ERC2: variants seen among roughly 807,000 people sequenced by gnomAD.
The protein encoded by ERC2 is ERC protein 2.
A neutral mutation model predicts 114.8 loss-of-function variants in ERC2; 42 were observed. The ratio of observed to expected loss-of-function variants is 0.37; its 90% CI spans 0.29 to 0.47. The LOEUF (loss-of-function observed/expected upper bound fraction) is 0.47. Ranked by LOEUF, ERC2 falls within the 20% of genes least tolerant of loss-of-function variation. ERC2 has a pLI of 0.99. For missense variants in ERC2, 939 were observed against 1,150.7 expected, an observed-to-expected ratio of 0.82 and a Z score of 2.66; for synonymous variants, 454 against 425.5, an observed-to-expected ratio of 1.07 and a Z score of -0.82.
intron 6 of ERC2, among the ~76,000 whole-genome samples, chr3:56,088,341 A>G (rs543390759): frequency 5.3e-5 from 8 of 152,270 alleles, no homozygotes; most frequent in African/African-American, 1.9e-4. Context: ...CCTTAAAACT[A>G]AAACTGTTTT....
chr3:55,674,641 C>G (rs993334833), intron 17 of ERC2, among the ~76,000 whole-genome samples: 3 of 152,190 alleles, frequency 2.0e-5, no homozygotes, highest in Non-Finnish European at 4.4e-5. Context: ...AGCGAGGGGT[C>G]TTTCGCCACA....
At chr3:55,692,125 C>A (rs1460120719) in intron 16 of ERC2, among the ~76,000 whole-genome samples, 4 of 152,170 alleles carry the variant, frequency 2.6e-5, no homozygotes, top group African/African-American at 9.7e-5. Context: ...GACCCCTTGC[C>A]TGTCTGTCAG....
intron 14 of ERC2, among the ~76,000 whole-genome samples, chr3:55,754,389 G>A (rs1037136411): frequency 6.6e-6 from 1 of 151,482 alleles, no homozygotes. Flanking sequence ...AAATGACAGT[G>A]TAACTAAGAC....
chr3:56,234,965 T>A (rs9867636), intron 3 of ERC2, among the ~76,000 whole-genome samples: 3,917 of 152,272 alleles, frequency 0.026, 56 homozygotes, highest in Middle Eastern at 0.051. Context: ...GGTATTAAGA[T>A]AGAGTGGTTT....
chr3:55,835,717 A>G (rs1241871368), intron 14 of ERC2, among the ~76,000 whole-genome samples: 2 of 151,964 alleles, frequency 1.3e-5, no homozygotes, highest in Admixed American at 6.6e-5. Flanking sequence ...CTCTCTCACC[A>G]CTCCTATTCA....
At chr3:56,288,843 A>G (rs1364480462) in intron 3 of ERC2, among the ~76,000 whole-genome samples, 2 of 152,236 alleles carry the variant, frequency 1.3e-5, no homozygotes, top group Admixed American at 1.3e-4. Flanking sequence ...AAGAGATACC[A>G]TATTCAAAAT....
chr3:55,828,990 G>C (rs748157070), intron 14 of ERC2, among the ~76,000 whole-genome samples: 17 of 152,100 alleles, frequency 1.1e-4, no homozygotes, highest in Non-Finnish European at 2.2e-4. Flanking sequence ...AATTAGCTGA[G>C]TGTGATGGGA....
chr3:56,235,686 A>G (rs551747813), intron 3 of ERC2, among the ~76,000 whole-genome samples: 2 of 152,338 alleles, frequency 1.3e-5, no homozygotes, highest in South Asian at 2.1e-4. Context: ...GCAAAGTCCA[A>G]TGCAGTAGCC....
chr3:55,570,311 G>A (rs1025975941), intron 17 of ERC2, among the ~76,000 whole-genome samples: 7 of 152,142 alleles, frequency 4.6e-5, no homozygotes, highest in Non-Finnish European at 8.8e-5. Context: ...AGGGCAGCAC[G>A]AGAGGCTGTG....
chr3:55,747,817 A>C (rs572278664), intron 14 of ERC2, among the ~76,000 whole-genome samples: 1 of 152,394 alleles, frequency 6.6e-6, no homozygotes, highest in East Asian at 1.9e-4. Flanking sequence ...GTCTACATAC[A>C]TACACCTGAA....
At chr3:55,547,606 C>A (rs1327552750) in intron 17 of ERC2, among the ~76,000 whole-genome samples, 1 of 152,162 alleles carries the variant, frequency 6.6e-6, no homozygotes, top group African/African-American at 2.4e-5. Context: ...CACAAAACCC[C>A]CAGCCGTAGG....
At chr3:55,832,509 G>C (rs1228038148) in intron 14 of ERC2, among the ~76,000 whole-genome samples, 2 of 152,338 alleles carry the variant, frequency 1.3e-5, no homozygotes, top group East Asian at 3.9e-4. Context: ...GTCTGGAGTG[G>C]ACCTCTAGCA....
intron 14 of ERC2, among the ~76,000 whole-genome samples, chr3:55,782,569 C>T (rs1368699299): frequency 6.6e-6 from 1 of 152,302 alleles, no homozygotes. Context: ...TACAGAGTCC[C>T]TCCTATGTTC....
At chr3:55,771,277 A>G (rs1388935341) in intron 14 of ERC2, among the ~76,000 whole-genome samples, 1 of 152,176 alleles carries the variant, frequency 6.6e-6, no homozygotes, top group Non-Finnish European at 1.5e-5. Flanking sequence ...TGGTTTTTTA[A>G]TACTTGATTC....
chr3:55,912,472 T>C (rs1210554865), intron 13 of ERC2, among the ~76,000 whole-genome samples: 3 of 152,222 alleles, frequency 2.0e-5, no homozygotes, highest in African/African-American at 4.8e-5. Flanking sequence ...TTGTCTTTAT[T>C]ATTACCCTAC....
At chr3:56,098,901 A>C (rs1232748292) in intron 6 of ERC2, among the ~76,000 whole-genome samples, 2 of 152,172 alleles carry the variant, frequency 1.3e-5, no homozygotes, top group African/African-American at 4.8e-5. Flanking sequence ...TGTATCCTCC[A>C]ATCTTGAAAA....
intron 1 of ERC2, among the ~76,000 whole-genome samples, chr3:56,462,997 C>A (rs1290004149): frequency 3.3e-5 from 5 of 152,100 alleles, no homozygotes; most frequent in Non-Finnish European, 7.4e-5. Flanking sequence ...GAGGCCAAGG[C>A]AGGCAGATCA....
chr3:56,311,241 CTCTCTCTCTCTCTCTATATA>C (rs1270884831), intron 2 of ERC2, among the ~76,000 whole-genome samples: 2 of 18,298 alleles, frequency 1.1e-4, no homozygotes, highest in African/African-American at 2.7e-4. Context: ...TTCTCTCTCT[CTCTCTCTCTCTCTCTATATA>C]TATATATATA....
intron 14 of ERC2, among the ~76,000 whole-genome samples, chr3:55,762,562 G>A (rs2067517305): frequency 6.6e-6 from 1 of 152,054 alleles, no homozygotes; most frequent in Non-Finnish European, 1.5e-5. Flanking sequence ...AATATTAAAG[G>A]TAATACATAT....
Sources: gnomAD v4.1 joint callset for allele counts (sites outside exome capture counted in the v4.1 genomes callset) on GRCh38, gnomAD v4.1.1 for gene constraint, MANE v1.5 for transcripts, NCBI Gene and HGNC (gene_info 2026-07-23, HGNC 2026-07-21) for gene names.